The following FGF14 variants were observed in gnomAD, a reference collection of about 807,000 sequenced individuals.
FGF14 encodes the protein fibroblast growth factor 14.
In FGF14, 5 loss-of-function variants were observed where a neutral mutation model predicts 25.5. The ratio of observed to expected loss-of-function variants is 0.20; its 90% confidence interval spans 0.10 to 0.41. FGF14 has a LOEUF of 0.41. Among genes scored for constraint, FGF14 ranks in the 10% least tolerant of loss-of-function variants. FGF14 has a pLI of 1.00. For synonymous variants in FGF14, 138 were observed against 118.3 expected, an observed-to-expected ratio of 1.17 and a Z score of -1.08; for missense variants, 222 against 320.1, an observed-to-expected ratio of 0.69 and a Z score of 2.34.
chr13:102,375,478 T>C (rs1041474984), intron 1 of FGF14, among the ~76,000 whole-genome samples: 1 of 152,188 alleles, frequency 6.6e-6, no homozygotes, highest in Non-Finnish European at 1.5e-5. Context: ...TTTATCGTTA[T>C]TTAATAACGT....
intron 1 of FGF14, among the ~76,000 whole-genome samples, chr13:101,893,386 C>T (rs2030078940): frequency 6.6e-6 from 1 of 152,126 alleles, no homozygotes; most frequent in Admixed American, 6.5e-5. Context: ...ATTATGTGTC[C>T]ATGTGATTGC....
At chr13:102,136,782 A>G (rs191799994) in intron 1 of FGF14, among the ~76,000 whole-genome samples, 80 of 152,326 alleles carry the variant, frequency 5.3e-4, no homozygotes, top group Middle Eastern at 3.4e-3. Context: ...TAGCAAAATA[A>G]AAGTGGCATA....
At chr13:101,767,968 C>G (rs1024951880) in intron 3 of FGF14, among the ~76,000 whole-genome samples, 1 of 151,774 alleles carries the variant, frequency 6.6e-6, no homozygotes, top group Non-Finnish European at 1.5e-5. Flanking sequence ...ATAGCTTCTT[C>G]ATTTTCCTCT....
intron 1 of FGF14, chr13:102,300,108 C>A (rs1007628581): frequency 2.6e-5 from 4 of 152,088 alleles, no homozygotes; most frequent in Admixed American, 6.6e-5. Context: ...AATTTAAAAT[C>A]AGCCGTGTGA....
At chr13:102,136,077 A>G (rs979929973) in intron 1 of FGF14, among the ~76,000 whole-genome samples, 9 of 152,196 alleles carry the variant, frequency 5.9e-5, no homozygotes, top group Non-Finnish European at 1.2e-4. Flanking sequence ...GTAATATATC[A>G]TATTGTGACC....
At chr13:102,315,712 T>C (rs2055988065) in intron 1 of FGF14, among the ~76,000 whole-genome samples, 1 of 152,170 alleles carries the variant, frequency 6.6e-6, no homozygotes, top group Admixed American at 6.5e-5. Context: ...TTATTGCATC[T>C]AAAATATATC....
At chr13:101,724,962 G>T (rs2139678061) in intron 4 of FGF14, among the ~76,000 whole-genome samples, 1 of 151,696 alleles carries the variant, frequency 6.6e-6, no homozygotes, top group African/African-American at 2.4e-5. Flanking sequence ...CCACATCATT[G>T]TTGTCTCAGA....
At chr13:102,175,372 GA>G (rs1386276898) in intron 1 of FGF14, among the ~76,000 whole-genome samples, 5 of 152,034 alleles carry the variant, frequency 3.3e-5, no homozygotes, top group Non-Finnish European at 5.9e-5. Context: ...ATGGTGCTGG[GA>G]AAACTAGCTA....
At chr13:101,741,871 A>G (rs1007850139) in intron 3 of FGF14, among the ~76,000 whole-genome samples, 1 of 152,212 alleles carries the variant, frequency 6.6e-6, no homozygotes, top group African/African-American at 2.4e-5. Context: ...ATTAGCAAGT[A>G]TTAGCACACC....
At chr13:102,001,004 T>G (rs998551312) in intron 1 of FGF14, among the ~76,000 whole-genome samples, 2 of 152,068 alleles carry the variant, frequency 1.3e-5, no homozygotes, top group Admixed American at 6.6e-5. Flanking sequence ...GGCTGGAGTT[T>G]AGGGAGAGGG....
At chr13:101,893,242 C>T (rs1221816714) in intron 1 of FGF14, among the ~76,000 whole-genome samples, 3 of 152,210 alleles carry the variant, frequency 2.0e-5, no homozygotes, top group Non-Finnish European at 2.9e-5. Flanking sequence ...CCTGTCATCA[C>T]CTCTCTGTCC....
chr13:102,153,279 G>C (rs1420988516), intron 1 of FGF14, among the ~76,000 whole-genome samples: 1 of 152,162 alleles, frequency 6.6e-6, no homozygotes. Context: ...TTTATATGTA[G>C]ATGCCCCTGA....
chr13:102,338,817 C>T (rs2056864789), intron 1 of FGF14, among the ~76,000 whole-genome samples: 1 of 151,876 alleles, frequency 6.6e-6, no homozygotes, highest in African/African-American at 2.4e-5. Context: ...AGCTCGAGAC[C>T]AGCCTAGCCA....
At chr13:101,793,117 A>G (rs2040332649) in intron 3 of FGF14, among the ~76,000 whole-genome samples, 1 of 152,032 alleles carries the variant, frequency 6.6e-6, no homozygotes, top group Admixed American at 6.6e-5. Flanking sequence ...AAAATACTCA[A>G]AATTATTTAT....
intron 1 of FGF14, among the ~76,000 whole-genome samples, chr13:102,087,653 T>C (rs1279432181): frequency 1.4e-5 from 2 of 146,542 alleles, no homozygotes; most frequent in African/African-American, 5.0e-5. Context: ...CTCGATCTCC[T>C]GACCTCGTGA....
rs139978863 is a variant in FGF14, at chr13:101,953,200, C to T, written c.209-77904G>A. Among the ~76,000 whole-genome samples, 66 of 152,326 alleles carry T rather than the reference C, an allele frequency of 4.3e-4. 1 individual carries two copies. Among genetic ancestry groups the T allele is most frequent in the African/African-American group, 1.5e-3 (63 of 41,582 alleles). The stretch of plus-strand genomic sequence containing the variant: ...GTCAACATCTCAGTCCTACCTTCAC[C>T]TGTTCTGTTTGCACAGACTGAAAAC... On this transcript the variant is annotated intron_variant, in intron 1 of 4. Transcript: ENST00000376131.
intron 1 of FGF14, among the ~76,000 whole-genome samples, chr13:101,976,544 T>C (rs1462955480): frequency 6.6e-6 from 1 of 152,182 alleles, no homozygotes; most frequent in Non-Finnish European, 1.5e-5. Flanking sequence ...TGTACCCAAG[T>C]AGTGAGCTAG....
intron 1 of FGF14, chr13:102,354,264 A>C (rs1468242213): frequency 6.6e-6 from 1 of 152,202 alleles, no homozygotes; most frequent in Non-Finnish European, 1.5e-5. Context: ...CCCTCTGCTC[A>C]TCTGAGGCAA....
chr13:101,732,697 GA>G (rs2035892272), intron 3 of FGF14, among the ~76,000 whole-genome samples: 1 of 152,274 alleles, frequency 6.6e-6, no homozygotes, highest in East Asian at 1.9e-4. Context: ...TTATGGACTA[GA>G]AATTAAGTTG....
Sources: allele counts gnomAD v4.1 joint callset (sites outside exome capture counted in the v4.1 genomes callset), GRCh38; gene constraint gnomAD v4.1.1; transcripts MANE v1.5; gene names NCBI Gene and HGNC (gene_info 2026-07-23, HGNC 2026-07-21).